CFAP53: variants seen among roughly 807,000 people sequenced by gnomAD.
The protein encoded by CFAP53 is cilia- and flagella-associated protein 53.
A neutral mutation model predicts 59.7 loss-of-function variants in CFAP53; 62 were observed. The ratio of observed to expected loss-of-function variants is 1.04; its 90% CI spans 0.85 to 1.28. CFAP53 has a LOEUF of 1.28. CFAP53 is among the 50% of genes most tolerant of loss of function. The pLI, the probability that CFAP53 is intolerant of heterozygous loss-of-function variation, is 0.00. For missense variants in CFAP53, 629 were observed against 615.6 expected (o/e 1.02, Z -0.23); for synonymous variants, 218 against 205.7 (o/e 1.06, Z -0.51).
rs371885192 is a variant in CFAP53 at position 50,227,560 on chromosome 18, C to T, written c.1366G>A (p.Ala456Thr). The change falls in exon 8 of 8, where the codon GCC becomes ACC. Residue 456 changes from alanine (A) to threonine (T), a missense_variant. Physicochemically the swap from Ala to Thr is moderately conservative, Grantham distance 58. Transcript: ENST00000398545. ...GCTTCTTGGGACTGCTGCTGGTAGG[C>T]GATTTGCATCTGAAGTTGCTTCCTG... ...EYRKQLQMQI[A>T]YQQQSQEAEK... is the part of the protein sequence containing the mutation. The T allele has an allele frequency of 2.5e-5, 40 of 1,614,006 alleles. No homozygotes were observed. Among genetic ancestry groups the T allele is most frequent in the East Asian group, 6.7e-5 (3 of 44,894 alleles).
In CFAP53 at chr18:50,251,605, T is replaced by C; in HGVS notation, c.653A>G (p.Gln218Arg). ...DRLAKEKREAQEARRQKELME... is the reference protein window; with the variant it reads ...DRLAKEKREAREARRQKELME... The stretch of plus-strand genomic sequence containing the variant: ...CAGCTCTTTCTGTCTCCTCGCCTCT[T>C]GGGCTTCTCGCTTTTCCTTGGCTAA... Residue 218 changes from glutamine (Q) to arginine (R), a missense_variant, in exon 4 of 8, where the codon CAA (glutamine) becomes CGA (arginine). By Grantham distance (43) the Gln-to-Arg change is conservative. Coordinates refer to ENST00000398545, the MANE Select transcript of CFAP53 (RefSeq NM_145020.5). 2 of 1,614,236 alleles carry C rather than the reference T, an allele frequency of 1.2e-6. No individual in the cohort carries two copies. Among genetic ancestry groups the C allele is most frequent in the Non-Finnish European group, 1.7e-6 (2 of 1,180,040 alleles).
chr18:50,234,084 G>A (rs968285720), intron 7 of CFAP53, among the ~76,000 whole-genome samples: 1 of 152,148 alleles, frequency 6.6e-6, no homozygotes, highest in African/African-American at 2.4e-5. Context: ...TTCCTAGGGT[G>A]TTTAACATAA....
Position 50,253,413 on chromosome 18 carries a change from G to A in CFAP53, c.474-1629C>T, listed in dbSNP as rs145128622. Among the ~76,000 whole-genome samples the A allele has an allele frequency of 3.9e-3, 601 of 152,344 alleles. 3 individuals carry two copies. Among genetic ancestry groups the A allele is most frequent in the African/African-American group, 0.014 (568 of 41,576 alleles). ...TTGATAAGAGGAAAACTTTATGTTT[G>A]TGAGTGCTTTATAGTTTGCAGGTAG... On this transcript the variant is annotated intron_variant, in intron 3 of 7. Transcript: ENST00000398545.
intron 6 of CFAP53, among the ~76,000 whole-genome samples, chr18:50,240,888 G>A (rs2033684274): frequency 6.6e-6 from 1 of 152,168 alleles, no homozygotes. Context: ...TGGTCCATTG[G>A]GCTGGACATG....
chr18:50,229,385 T>A (rs1014660891), intron 7 of CFAP53, among the ~76,000 whole-genome samples: 1 of 152,224 alleles, frequency 6.6e-6, no homozygotes, highest in African/African-American at 2.4e-5. Context: ...GTCCTCCAGG[T>A]TCATCCATAC....
At chr18:50,239,213 C>A (rs1173230492) in intron 6 of CFAP53, among the ~76,000 whole-genome samples, 1 of 151,688 alleles carries the variant, frequency 6.6e-6, no homozygotes, top group East Asian at 1.9e-4. Context: ...CATGGTGAAA[C>A]CCCGTCTCTA....
intron 7 of CFAP53, among the ~76,000 whole-genome samples, chr18:50,232,145 T>C (rs1242523522): frequency 6.6e-6 from 1 of 152,224 alleles, no homozygotes; most frequent in Non-Finnish European, 1.5e-5. Flanking sequence ...TTTGTGCCCC[T>C]GAGTTGCACC....
chr18:50,254,840 G>A (rs1453040813), intron 3 of CFAP53, among the ~76,000 whole-genome samples: 3 of 152,272 alleles, frequency 2.0e-5, no homozygotes, highest in African/African-American at 4.8e-5. Flanking sequence ...GCAGTGAGCC[G>A]AGATCACGCC....
chr18:50,245,725 C>T (rs2033737659), intron 5 of CFAP53, among the ~76,000 whole-genome samples: 1 of 152,226 alleles, frequency 6.6e-6, no homozygotes, highest in Non-Finnish European at 1.5e-5. Context: ...TTACCAAAAT[C>T]TCAACTGGCT....
In CFAP53 at chr18:50,251,760, A is replaced by T. The variant is rs576840719; in HGVS notation, c.498T>A (p.Val166=). ...QFRERCEELR[V]ELLSIHQKKV... ...TCTTCTGATGGATAGATAACAATTC[A>T]ACACGGAGCTCCTCACAGCGTTCCC... The change falls in exon 4 of 8, where the codon GTT becomes GTA. Residue 166 remains valine, a synonymous_variant. Transcript: ENST00000398545. 16 of 1,614,002 alleles carry T rather than the reference A, an allele frequency of 9.9e-6. No individual in the cohort carries two copies. The Admixed American group carries it at 2.7e-4, about 27-fold the overall frequency.
chr18:50,260,178 C>G (rs570548763), intron 3 of CFAP53, among the ~76,000 whole-genome samples: 28 of 152,120 alleles, frequency 1.8e-4, no homozygotes, highest in Non-Finnish European at 3.2e-4. Flanking sequence ...GAGTATCCTA[C>G]GATGGAAAAC....
chr18:50,258,391 G>A (rs1220658769), intron 3 of CFAP53, among the ~76,000 whole-genome samples: 1 of 152,080 alleles, frequency 6.6e-6, no homozygotes, highest in Non-Finnish European at 1.5e-5. Context: ...TGGGAAAACT[G>A]GATATCCATA....
chr18:50,257,599 A>AG (rs1390489099), intron 3 of CFAP53, among the ~76,000 whole-genome samples: 1 of 152,258 alleles, frequency 6.6e-6, no homozygotes, highest in Non-Finnish European at 1.5e-5. Flanking sequence ...CACTGATGAA[A>AG]GAAATTGAAG....
At chr18:50,258,861 A>G (rs886278928) in intron 3 of CFAP53, among the ~76,000 whole-genome samples, 6 of 152,262 alleles carry the variant, frequency 3.9e-5, no homozygotes, top group Admixed American at 6.5e-5. Context: ...AAGGTGCCCA[A>G]CATCACAGAT....
intron 5 of CFAP53, among the ~76,000 whole-genome samples, 156 bp downstream of exon 5, chr18:50,250,600 TTC>T (rs1468430236): frequency 6.6e-6 from 1 of 152,168 alleles, no homozygotes; most frequent in Non-Finnish European, 1.5e-5. Context: ...GCCTGGGAAT[TTC>T]TGTTTCTAAC....
In CFAP53 at chr18:50,262,061, G is replaced by C; in HGVS notation, c.228C>G (p.Asp76Glu). The change falls in exon 2 of 8, where the codon GAC (aspartate) becomes GAG (glutamate). Residue 76 changes from aspartate to glutamate, a missense_variant. Asp to Glu is a conservative substitution (Grantham distance 45). Coordinates refer to ENST00000398545, the MANE Select transcript of CFAP53 (RefSeq NM_145020.5). ...WDQHNDCKIL[D>E]SLVRARIKDA... ...CCTTGATTCTTGCTCGCACAAGGCT[G>C]TCCAAAATCTTGCAGTCATTGTGCT... 6.2e-7 allele frequency: 1 copy of C among 1,614,200 alleles called. No homozygotes were observed. The highest frequency in any genetic ancestry group is 8.5e-7 in the Non-Finnish European group (1 of 1,180,046).
At position 50,262,084 on chromosome 18, in the gene CFAP53, G is replaced by C. The variant is rs764675249; in HGVS notation, c.205C>G (p.His69Asp). The C allele has an allele frequency of 1.2e-6, 2 of 1,614,194 alleles. No homozygotes were observed. Among genetic ancestry groups the C allele is most frequent in the Non-Finnish European group, 8.5e-7 (1 of 1,180,042 alleles). The change falls in exon 2 of 8, where the codon CAC (histidine) becomes GAC (aspartate). Residue 69 changes from histidine (H) to aspartate (D), a missense_variant. Coordinates refer to ENST00000398545, the MANE Select transcript of CFAP53 (RefSeq NM_145020.5). ...RDRLKAEWDQHNDCKILDSLV... is the reference protein window; with the variant it reads ...RDRLKAEWDQDNDCKILDSLV... ...CTGTCCAAAATCTTGCAGTCATTGT[G>C]CTGGTCCCACTCAGCTTTCAAGCGA...
intron 1 of CFAP53, among the ~76,000 whole-genome samples, chr18:50,264,468 G>A (rs998727384): frequency 6.6e-6 from 1 of 152,168 alleles, no homozygotes; most frequent in African/African-American, 2.4e-5. Context: ...AGCAAAATAA[G>A]TATCCTCCTA....
At chr18:50,242,232 CA>C (rs2033697064) in intron 6 of CFAP53, among the ~76,000 whole-genome samples, 1 of 152,160 alleles carries the variant, frequency 6.6e-6, no homozygotes, top group Non-Finnish European at 1.5e-5. Context: ...ACACATTTTA[CA>C]AACAATTTTT....
Sources: gnomAD v4.1 joint callset for allele counts (sites outside exome capture counted in the v4.1 genomes callset) on GRCh38, gnomAD v4.1.1 for gene constraint, MANE v1.5 for transcripts, NCBI Gene and HGNC (gene_info 2026-07-23, HGNC 2026-07-21) for gene names.